Variants in NRIP1 observed in about 807,000 individuals in gnomAD.
NRIP1 encodes the protein nuclear receptor interacting protein 1, also known as nuclear receptor-interacting protein 1.
In NRIP1, 28 loss-of-function variants were observed where a neutral mutation model predicts 75.0. The observed-to-expected ratio is 0.37, with a 90% CI of 0.28 to 0.51. The LOEUF is 0.51. NRIP1 is among the 20% of genes least tolerant of loss of function. NRIP1 has a pLI of 0.92. For synonymous variants in NRIP1, 526 were observed against 487.6 expected (o/e 1.08, Z -1.04); for missense variants, 1,435 against 1,343.7 (o/e 1.07, Z -1.06).
chr21:15,038,309 T>C (rs886267162), intron 2 of NRIP1, among the ~76,000 whole-genome samples: 2 of 152,158 alleles, frequency 1.3e-5, no homozygotes, highest in Admixed American at 1.3e-4. Flanking sequence ...AAATAAAACT[T>C]TGAGAACTAC....
At position 14,965,627 on chromosome 21, in the gene NRIP1, G is replaced by C. The variant is rs761081090; in HGVS notation, c.2566C>G (p.Pro856Ala). ...TCAGTATAAAGCTTCCTTTTCTTAG[G>C]GACCATGCAAAGATTCTTTGATTCT... ...LLESKNLCMV[P>A]KKRKLYTEPL... The change falls in exon 4 of 4, where the codon CCT becomes GCT. Residue 856 changes from proline to alanine, a missense_variant. Coordinates refer to ENST00000318948, the MANE Select transcript of NRIP1 (RefSeq NM_003489.4). The C allele has an allele frequency of 5.0e-6, 8 of 1,613,132 alleles. No homozygotes were observed. Among genetic ancestry groups the C allele is most frequent in the Non-Finnish European group, 6.8e-6 (8 of 1,179,876 alleles).
chr21:14,970,963 C>T (rs1280444671), intron 3 of NRIP1, among the ~76,000 whole-genome samples: 1 of 151,776 alleles, frequency 6.6e-6, no homozygotes, highest in African/African-American at 2.4e-5. Flanking sequence ...GGAGCTCTAA[C>T]ACTGTATTTT....
intron 2 of NRIP1, among the ~76,000 whole-genome samples, chr21:15,042,858 T>C (rs1232698825): frequency 1.3e-5 from 2 of 152,216 alleles, no homozygotes; most frequent in Admixed American, 6.5e-5. Flanking sequence ...TGAGTAAGTT[T>C]CTCAACAGAT....
At position 14,968,251 on chromosome 21, in the gene NRIP1, G is replaced by A. The variant is rs2086815595; in HGVS notation, c.-59C>T. The A allele has an allele frequency of 5.0e-6, 6 of 1,192,694 alleles. No homozygotes were observed. The highest frequency in any genetic ancestry group is 7.2e-6 in the Non-Finnish European group (6 of 836,140). 73.9% of individuals were successfully genotyped at this position (1,192,694 alleles called of 1,614,324 possible). A position where few individuals can be genotyped will look rare whatever the true frequency, so the allele number is the denominator to read the frequency against. ...TATTCACTTTAAAGAATGGTTTTCTGTGGTGAGTGCGATGTAACTTTAATA... is the reference window on the plus strand; with the variant it reads ...TATTCACTTTAAAGAATGGTTTTCTATGGTGAGTGCGATGTAACTTTAATA... On this transcript the variant is annotated 5_prime_UTR_variant, in exon 4 of 4. Transcript: ENST00000318948.
chr21:15,010,644 C>A (rs1478525764), intron 3 of NRIP1, among the ~76,000 whole-genome samples: 1 of 152,182 alleles, frequency 6.6e-6, no homozygotes, highest in African/African-American at 2.4e-5. Context: ...TTTCTATGTT[C>A]ATTATGCTAT....
chr21:15,040,469 A>G (rs1210923392), intron 2 of NRIP1, among the ~76,000 whole-genome samples: 1 of 152,112 alleles, frequency 6.6e-6, no homozygotes, highest in Admixed American at 6.5e-5. Context: ...AATAATATCA[A>G]TTTTAATCAC....
At chr21:15,016,391 G>GA (rs2088229599) in intron 2 of NRIP1, among the ~76,000 whole-genome samples, 1 of 152,036 alleles carries the variant, frequency 6.6e-6, no homozygotes, top group African/African-American at 2.4e-5. Flanking sequence ...GGGACCTCGG[G>GA]AATTTCTGAA....
Position 14,966,488 on chromosome 21 carries a change from A to T in NRIP1, c.1705T>A (p.Ser569Thr). Reference protein sequence around the residue: ...SSKAGSPINLSQHSLVIKWNS... With the variant: ...SSKAGSPINLTQHSLVIKWNS... The stretch of plus-strand genomic sequence containing the variant: ...CATTTGATGACCAGAGAGTGTTGAG[A>T]GAGATTGATGGGAGACCCTGCTTTG... Residue 569 changes from serine (S) to threonine (T), a missense_variant, in exon 4 of 4, where the codon TCT becomes ACT. By Grantham distance (58) the Ser-to-Thr change is moderately conservative. Transcript: ENST00000318948. The T allele has an allele frequency of 1.2e-6, 2 of 1,614,030 alleles. No homozygotes were observed. The highest frequency in any genetic ancestry group is 1.7e-6 in the Non-Finnish European group (2 of 1,179,974).
At chr21:15,027,499 C>T (rs981069216) in intron 2 of NRIP1, among the ~76,000 whole-genome samples, 3 of 152,012 alleles carry the variant, frequency 2.0e-5, no homozygotes, top group Admixed American at 1.3e-4. Flanking sequence ...AGAAACAAAA[C>T]CAAAGGAGTA....
chr21:14,971,458 C>T (rs755035334), intron 3 of NRIP1: 1 of 152,186 alleles, frequency 6.6e-6, no homozygotes, highest in Non-Finnish European at 1.5e-5. Context: ...TAAATCAATA[C>T]AACATATTCT....
intron 2 of NRIP1, among the ~76,000 whole-genome samples, chr21:15,031,698 A>T (rs1288657842): frequency 2.1e-4 from 19 of 92,084 alleles, no homozygotes; most frequent in East Asian, 3.4e-4. Context: ...CGCTCGGAGG[A>T]TCACCACATT....
chr21:15,027,276 G>C (rs531462296), intron 2 of NRIP1, among the ~76,000 whole-genome samples: 3 of 152,308 alleles, frequency 2.0e-5, no homozygotes, highest in African/African-American at 7.2e-5. Flanking sequence ...ATGCTCGATG[G>C]TAGGTTCTTG....
intron 3 of NRIP1, among the ~76,000 whole-genome samples, chr21:15,000,905 A>G (rs1378035832): frequency 6.6e-6 from 1 of 152,174 alleles, no homozygotes; most frequent in Non-Finnish European, 1.5e-5. Flanking sequence ...GACCTCAAAT[A>G]GTTCATTTTA....
At chr21:15,019,309 TATAAAG>T (rs2088310642) in intron 2 of NRIP1, among the ~76,000 whole-genome samples, 1 of 134,728 alleles carries the variant, frequency 7.4e-6, no homozygotes, top group African/African-American at 3.2e-5. Flanking sequence ...GTGCAACAAA[TATAAAG>T]ATAGATAGAC....
intron 2 of NRIP1, among the ~76,000 whole-genome samples, chr21:15,027,717 A>T (rs538152190): frequency 6.6e-6 from 1 of 152,314 alleles, no homozygotes; most frequent in Non-Finnish European, 1.5e-5. Context: ...TAACATGAGA[A>T]ATAGGTAAAC....
intron 1 of NRIP1, among the ~76,000 whole-genome samples, chr21:15,045,238 C>T (rs550160149): frequency 6.6e-6 from 1 of 152,132 alleles, no homozygotes; most frequent in Non-Finnish European, 1.5e-5. Context: ...CTATACCAAC[C>T]AGCATGGTAC....
intron 2 of NRIP1, among the ~76,000 whole-genome samples, chr21:15,040,807 A>G (rs1270459259): frequency 2.0e-5 from 3 of 152,106 alleles, no homozygotes; most frequent in Non-Finnish European, 2.9e-5. Context: ...AGATGGGAAA[A>G]TTTAAATAAC....
At chr21:14,975,665 GAGAGAGAA>G (rs2087041558) in intron 3 of NRIP1, among the ~76,000 whole-genome samples, 4 of 137,622 alleles carry the variant, frequency 2.9e-5, no homozygotes, top group South Asian at 2.2e-4. Context: ...AAGGGAGAGA[GAGAGAGAA>G]AGAAAGAAAG....
intron 2 of NRIP1, among the ~76,000 whole-genome samples, chr21:15,024,192 C>T (rs541505102): frequency 1.4e-4 from 21 of 152,308 alleles, no homozygotes; most frequent in African/African-American, 5.1e-4. Flanking sequence ...TTGAAAACTT[C>T]ATTCATCAAA....
Sources: allele counts gnomAD v4.1 joint callset (sites outside exome capture counted in the v4.1 genomes callset), GRCh38; gene constraint gnomAD v4.1.1; transcripts MANE v1.5; gene names NCBI Gene and HGNC (gene_info 2026-07-23, HGNC 2026-07-21).